The following SLIT3 variants were observed in gnomAD, a reference collection of about 807,000 sequenced individuals.
The protein encoded by SLIT3 is slit guidance ligand 3.
A neutral mutation model predicts 184.0 loss-of-function variants in SLIT3; 68 were observed. That is an observed-to-expected ratio of 0.37 (90% CI 0.30 to 0.45). The LOEUF (loss-of-function observed/expected upper bound fraction) is 0.45, where lower values mean the gene tolerates loss of function less well. Among genes scored for constraint, SLIT3 ranks in the 20% least tolerant of loss-of-function variants. SLIT3 has a pLI of 1.00. For synonymous variants in SLIT3, 831 were observed against 828.6 expected, an observed-to-expected ratio of 1.00 and a Z score of -0.05; for missense variants, 1,707 against 2,026.0, an observed-to-expected ratio of 0.84 and a Z score of 3.02.
rs184865375 is a variant in SLIT3 at position 169,146,506 on chromosome 5, C to T, written c.413+46973G>A. On this transcript the variant is annotated intron_variant, in intron 4 of 35. Transcript: ENST00000519560. ...GATGACAATGGCTTGAAGTTCAAGG[C>T]CCTTCACAAGCCAGCTGGCTCTAGC... Among the ~76,000 whole-genome samples the T allele has an allele frequency of 8.5e-5, 13 of 152,292 alleles. No individual in the cohort carries two copies. In the East Asian group the frequency reaches 1.9e-3, roughly 23 times the overall value.
intron 3 of SLIT3, among the ~76,000 whole-genome samples, chr5:169,203,584 G>T (rs141664956): frequency 1.4e-3 from 210 of 152,284 alleles, no homozygotes; most frequent in African/African-American, 4.7e-3. Flanking sequence ...GATCTCTTTT[G>T]AGATTTTCTA....
At chr5:168,822,846 G>A (rs1757577104) in intron 7 of SLIT3, among the ~76,000 whole-genome samples, 1 of 152,176 alleles carries the variant, frequency 6.6e-6, no homozygotes, top group Admixed American at 6.5e-5. Context: ...GAAAACCATT[G>A]CAACCACTGG....
intron 20 of SLIT3, among the ~76,000 whole-genome samples, chr5:168,737,467 ACACATG>A (rs1190251479): frequency 2.6e-5 from 4 of 152,118 alleles, no homozygotes; most frequent in South Asian, 2.1e-4. Context: ...ACACACACAC[ACACATG>A]CACATGCATA....
At position 169,244,770 on chromosome 5, in the gene SLIT3, C is replaced by T; in HGVS notation, c.276G>A (p.Leu92=). 1.9e-6 allele frequency: 3 copies of T among 1,613,698 alleles called. No homozygotes were observed. Among genetic ancestry groups the T allele is most frequent in the Non-Finnish European group, 2.5e-6 (3 of 1,179,964 alleles). The change falls in exon 3 of 36, where the codon CTG becomes CTA. Residue 92 remains leucine, a synonymous_variant. Transcript: ENST00000519560. ...CGATGACGCTGACCTGGTTGTCTTC[C>T]AGATGCCTACAACCACAGAGACAGC... ...AGLKNLRVLH[L]EDNQVSVIER... is the part of the protein sequence containing the mutation.
At chr5:168,844,251 G>C (rs1347263487) in intron 6 of SLIT3, among the ~76,000 whole-genome samples, 2 of 152,136 alleles carry the variant, frequency 1.3e-5, no homozygotes, top group African/African-American at 4.8e-5. Flanking sequence ...GCAGGCTCTG[G>C]GGGGTTCTGC....
intron 4 of SLIT3, among the ~76,000 whole-genome samples, chr5:169,023,218 C>T (rs1261030125): frequency 6.6e-6 from 1 of 152,154 alleles, no homozygotes; most frequent in Non-Finnish European, 1.5e-5. Flanking sequence ...AGATCCTGAA[C>T]ACTCAGGCTT....
intron 1 of SLIT3, among the ~76,000 whole-genome samples, chr5:169,270,915 T>C (rs993655626): frequency 6.6e-6 from 1 of 152,124 alleles, no homozygotes; most frequent in Non-Finnish European, 1.5e-5. Flanking sequence ...TTCCTTAGGT[T>C]GGGTTAAGAA....
chr5:168,887,464 C>A (rs1219417787), intron 4 of SLIT3, among the ~76,000 whole-genome samples: 1 of 152,184 alleles, frequency 6.6e-6, no homozygotes, highest in African/African-American at 2.4e-5. Context: ...TACTAAAATG[C>A]TCTTTGCCTC....
chr5:168,858,589 T>C lies in SLIT3; in HGVS notation c.486-13934A>G, dbSNP rs149650928. The stretch of plus-strand genomic sequence containing the variant: ...ATCCACAAACTCCCCTGCAGCAGCG[T>C]TGGGCTTACGCGTTGGGCTCCCAGC... On this transcript the variant is annotated intron_variant, in intron 5 of 35. Coordinates refer to ENST00000519560, the MANE Select transcript of SLIT3 (RefSeq NM_003062.4). Among the ~76,000 whole-genome samples the C allele has an allele frequency of 5.5e-3, 844 of 152,352 alleles. 5 individuals are homozygous for C. The highest frequency in any genetic ancestry group is 0.01 in the Middle Eastern group (3 of 294).
At chr5:168,918,744 C>T (rs1377304243) in intron 4 of SLIT3, among the ~76,000 whole-genome samples, 2 of 152,254 alleles carry the variant, frequency 1.3e-5, no homozygotes, top group African/African-American at 4.8e-5. Context: ...GCTTCAGTGA[C>T]ACATTCAAGG....
At chr5:168,871,967 G>T (rs886947657) in intron 5 of SLIT3, among the ~76,000 whole-genome samples, 1 of 152,128 alleles carries the variant, frequency 6.6e-6, no homozygotes, top group Non-Finnish European at 1.5e-5. Flanking sequence ...CACAGCTACG[G>T]GAATGGGCAG....
At chr5:169,021,235 G>A (rs1409092338) in intron 4 of SLIT3, among the ~76,000 whole-genome samples, 1 of 152,216 alleles carries the variant, frequency 6.6e-6, no homozygotes, top group Non-Finnish European at 1.5e-5. Context: ...GAATGCCTGT[G>A]ATCTGTCAGA....
In SLIT3 at chr5:169,150,540, CA is replaced by C. The variant is rs1581462018; in HGVS notation, c.413+42938del. 2.6e-5 allele frequency among the ~76,000 whole-genome samples: 4 copies of C among 151,842 alleles called. No homozygotes were observed. The East Asian group carries it at 5.8e-4, about 22-fold the overall frequency. On this transcript the variant is annotated intron_variant, in intron 4 of 35. Coordinates refer to ENST00000519560, the MANE Select transcript of SLIT3 (RefSeq NM_003062.4). Reference sequence around the variant, plus strand: ...ATACACACACACACACACACACACACACACCCTTACCTCACATAGGGATGTA... The same window carrying C: ...ATACACACACACACACACACACACACCACCCTTACCTCACATAGGGATGTA...
chr5:169,172,730 A>AT (rs1351938775), intron 4 of SLIT3, among the ~76,000 whole-genome samples: 2 of 152,276 alleles, frequency 1.3e-5, no homozygotes, highest in Non-Finnish European at 2.9e-5. Flanking sequence ...CCATTCATGC[A>AT]TTTTTTCCAT....
At chr5:169,263,784 C>G (rs1350011583) in intron 1 of SLIT3, 5 of 446,174 alleles carry the variant, frequency 1.1e-5, no homozygotes, top group Non-Finnish European at 1.8e-5. Flanking sequence ...TTTACCCTCT[C>G]TCTGCACAAC....
rs577631089 is a variant in SLIT3, at chr5:168,865,494, T to C, written c.485+17771A>G. Among the ~76,000 whole-genome samples the C allele has an allele frequency of 2.0e-5, 3 of 152,346 alleles. No homozygotes were observed. In the East Asian group the frequency reaches 5.8e-4, roughly 29 times the overall value. On this transcript the variant is annotated intron_variant, in intron 5 of 35. Coordinates refer to ENST00000519560, the MANE Select transcript of SLIT3 (RefSeq NM_003062.4). ...AAGATGTTAGCTACATAAGGTAACA[T>C]ACTGTGTGATTCCATTTATATGAAA...
chr5:168,965,766 G>T (rs1763164282), intron 4 of SLIT3, among the ~76,000 whole-genome samples: 1 of 152,156 alleles, frequency 6.6e-6, no homozygotes, highest in African/African-American at 2.4e-5. Flanking sequence ...ATTCTGAGTT[G>T]GTGCTTCTGG....
At chr5:169,088,256 A>G (rs1254004149) in intron 4 of SLIT3, among the ~76,000 whole-genome samples, 2 of 151,950 alleles carry the variant, frequency 1.3e-5, no homozygotes, top group Non-Finnish European at 2.9e-5. Flanking sequence ...CCTCCCTCCT[A>G]AGTTGGTCTC....
Position 168,686,769 on chromosome 5 carries a change from T to C in SLIT3, c.3314+210A>G, listed in dbSNP as rs190539033. On this transcript the variant is annotated intron_variant, in intron 30 of 35. Transcript: ENST00000519560. Reference sequence around the variant, plus strand: ...GTTGCCACAAGTAGCTCTTCTCCCATCTACAATGTGGGATTACCAATACCT... The same window carrying C: ...GTTGCCACAAGTAGCTCTTCTCCCACCTACAATGTGGGATTACCAATACCT... Among the ~76,000 whole-genome samples the C allele has an allele frequency of 5.2e-3, 796 of 152,364 alleles. 4 individuals carry two copies. The highest frequency in any genetic ancestry group is 9.4e-3 in the Non-Finnish European group (642 of 68,036).
Sources: allele counts gnomAD v4.1 joint callset (sites outside exome capture counted in the v4.1 genomes callset), GRCh38; gene constraint gnomAD v4.1.1; transcripts MANE v1.5; gene names NCBI Gene and HGNC (gene_info 2026-07-23, HGNC 2026-07-21).